Variants in UTP18 observed in about 807,000 individuals in gnomAD.
UTP18 encodes U3 small nucleolar RNA-associated protein 18 homolog.
Under a neutral mutation model 61.1 loss-of-function variants are expected in UTP18, and 36 were observed. That is an observed-to-expected ratio of 0.59 (90% CI 0.45 to 0.78). The LOEUF is 0.78. Among genes scored for constraint, UTP18 ranks in the 30% least tolerant of loss-of-function variants. The pLI is 0.00. For synonymous variants in UTP18, 282 were observed against 251.1 expected (o/e 1.12, Z -1.16); for missense variants, 753 against 693.9 (o/e 1.09, Z -0.96).
intron 5 of UTP18, among the ~76,000 whole-genome samples, chr17:51,273,797 C>T (rs9889715): frequency 0.54 from 81,079 of 151,336 alleles, 21,841 homozygotes; most frequent in Middle Eastern, 0.66. Context: ...CTAGGAATCC[C>T]GTTTGGTTTA....
chr17:51,290,055 C>G (rs542404590), intron 11 of UTP18, among the ~76,000 whole-genome samples: 8 of 152,110 alleles, frequency 5.3e-5, no homozygotes, highest in Non-Finnish European at 7.4e-5. Flanking sequence ...TAACTTGTAT[C>G]ATGTAGAGCA....
rs371628195 is a variant in UTP18, at chr17:51,260,623, G to C, written c.39G>C (p.Arg13=). The C allele has an allele frequency of 4.3e-6, 7 of 1,612,738 alleles. No homozygotes were observed. The highest frequency in any genetic ancestry group is 4.5e-5 in the East Asian group (2 of 44,828). ...PERRRRMKLD[R]RTGAKPKRKP... is the part of the protein sequence containing the mutation. ...GGAGGAGACGAATGAAACTGGACCG[G>C]AGAACCGGAGCGAAGCCGAAGCGGA... Residue 13 remains arginine (R), a synonymous_variant, in exon 1 of 14, where the codon CGG becomes CGC. Coordinates refer to ENST00000225298, the MANE Select transcript of UTP18 (RefSeq NM_016001.3).
intron 4 of UTP18, among the ~76,000 whole-genome samples, chr17:51,271,448 A>C (rs1339400520): frequency 6.6e-6 from 1 of 152,058 alleles, no homozygotes; most frequent in African/African-American, 2.4e-5. Context: ...CTAGGACTAC[A>C]GGCATGTGCC....
At chr17:51,273,301 G>A (rs1382214697) in intron 4 of UTP18, 61 bp from the exon 5 acceptor site, 2 of 1,254,608 alleles carry the variant, frequency 1.6e-6, no homozygotes, top group South Asian at 1.6e-5. Flanking sequence ...GAAGTTTGGG[G>A]TAGGTAAAAG....
In UTP18 at chr17:51,269,634, G is replaced by C. The variant is rs1249590189; in HGVS notation, c.622+730G>C. 2.6e-5 allele frequency among the ~76,000 whole-genome samples: 4 copies of C among 152,110 alleles called. No individual in the cohort carries two copies. In the South Asian group the frequency reaches 8.3e-4, roughly 32 times the overall value. ...CCTACCCTGTTAGTCCTCATGGTAC[G>C]TAAATGCAGGGAGTCCATACAAAGA... On this transcript the variant is annotated intron_variant, in intron 4 of 13. Transcript: ENST00000225298.
chr17:51,280,138 C>T (rs765092412), intron 8 of UTP18, 33 bp downstream of exon 8: 2 of 1,579,594 alleles, frequency 1.3e-6, no homozygotes, highest in South Asian at 1.1e-5. Flanking sequence ...TGTTCTTCTC[C>T]CACAAGACAC....
chr17:51,267,332 C>T (rs1271229667), intron 3 of UTP18, among the ~76,000 whole-genome samples: 3 of 152,030 alleles, frequency 2.0e-5, no homozygotes, highest in Admixed American at 2.0e-4. Context: ...TTTTAAGACT[C>T]CTGTTTTTTA....
chr17:51,265,759 T>C (rs2055554657), intron 2 of UTP18, among the ~76,000 whole-genome samples: 1 of 150,198 alleles, frequency 6.7e-6, no homozygotes, highest in Admixed American at 6.6e-5. Flanking sequence ...AGATGGTGTT[T>C]CACCACGTTG....
rs1252229807 is a variant in UTP18, at chr17:51,268,876, G to A, written c.594G>A (p.Glu198=). ...HAMGGVPAWA[E]TTKRKTSSDD... is the part of the protein sequence containing the mutation. The stretch of plus-strand genomic sequence containing the variant: ...TGGGAGGAGTACCTGCCTGGGCAGA[G>A]ACTACTAAGCGGAAAACATCTTCAG... Residue 198 remains glutamate, a synonymous_variant, in exon 4 of 14, where the codon GAG becomes GAA. Transcript: ENST00000225298. 6.2e-7 allele frequency: 1 copy of A among 1,613,968 alleles called. No homozygotes were observed.
At chr17:51,287,011 G>A (rs1486089442) in intron 10 of UTP18, among the ~76,000 whole-genome samples, 1 of 129,870 alleles carries the variant, frequency 7.7e-6, no homozygotes, top group East Asian at 2.5e-4. Context: ...GGTATGTGAT[G>A]TTCCCCTTCC....
At chr17:51,276,890 C>T (rs1040896165) in intron 6 of UTP18, among the ~76,000 whole-genome samples, 2 of 152,192 alleles carry the variant, frequency 1.3e-5, no homozygotes, top group African/African-American at 4.8e-5. Flanking sequence ...CACGCCACCT[C>T]CTCAGCACCT....
intron 3 of UTP18, among the ~76,000 whole-genome samples, chr17:51,267,418 T>G (rs916219995): frequency 6.6e-6 from 1 of 152,110 alleles, no homozygotes; most frequent in African/African-American, 2.4e-5. Context: ...TTTAGAATGT[T>G]GTGCCACCAC....
At position 51,260,618 on chromosome 17, in the gene UTP18, G is replaced by C; in HGVS notation, c.34G>C (p.Asp12His). The C allele has an allele frequency of 6.2e-7, 1 of 1,612,720 alleles. No individual in the cohort carries two copies. Among genetic ancestry groups the C allele is most frequent in the Non-Finnish European group, 8.5e-7 (1 of 1,179,720 alleles). Residue 12 changes from aspartate (D) to histidine (H), a missense_variant, in exon 1 of 14, where the codon GAC (aspartate) becomes CAC (histidine). Asp to His is a moderately conservative substitution (Grantham distance 81). Coordinates refer to ENST00000225298, the MANE Select transcript of UTP18 (RefSeq NM_016001.3). ...PPERRRRMKL[D>H]RRTGAKPKRK... ...GGAGCGGAGGAGACGAATGAAACTG[G>C]ACCGGAGAACCGGAGCGAAGCCGAA...
At chr17:51,289,712 C>T (rs1905198941) in intron 11 of UTP18, among the ~76,000 whole-genome samples, 1 of 152,192 alleles carries the variant, frequency 6.6e-6, no homozygotes, top group Admixed American at 6.5e-5. Context: ...ATGTTTGCTG[C>T]TATGTGTGTA....
chr17:51,265,838 AGGCGTGAGCCACCAC>A (rs1420257910), intron 2 of UTP18, among the ~76,000 whole-genome samples: 6 of 152,272 alleles, frequency 3.9e-5, no homozygotes, highest in Middle Eastern at 3.4e-3. Context: ...CTGGGATTAC[AGGCGTGAGCCACCAC>A]GCTGGGCCTA....
chr17:51,269,135 A>G (rs1278629959), intron 4 of UTP18, among the ~76,000 whole-genome samples: 1 of 151,704 alleles, frequency 6.6e-6, no homozygotes, highest in Non-Finnish European at 1.5e-5. Context: ...AAAAATACAA[A>G]AATTAGCCAG....
Position 51,280,027 on chromosome 17 carries a change from G to A in UTP18, c.1035G>A (p.Arg345=), listed in dbSNP as rs201072443. The change falls in exon 8 of 14, where the codon AGG becomes AGA. Residue 345 remains arginine, a synonymous_variant. Coordinates refer to ENST00000225298, the MANE Select transcript of UTP18 (RefSeq NM_016001.3). ...TAGGTTTGAAAGAGAAGATAGTGAG[G>A]AGCTTTGAAGTCTCCCCAGATGGGT... The part of the protein sequence containing the change: ...QVRGLKEKIV[R]SFEVSPDGSF... 6.2e-6 allele frequency: 10 copies of A among 1,613,498 alleles called. No homozygotes were observed. In the Admixed American group the frequency reaches 8.3e-5, roughly 13 times the overall value.
intron 9 of UTP18, among the ~76,000 whole-genome samples, chr17:51,283,617 A>ATT (rs34103760): frequency 0.38 from 53,037 of 138,308 alleles, 11,499 homozygotes; most frequent in East Asian, 0.6. Flanking sequence ...TTACTCATGG[A>ATT]TTTTTTTTTT....
chr17:51,279,923 T>G (rs1282776011), intron 7 of UTP18, 82 bp from the exon 8 acceptor site: 1 of 1,165,662 alleles, frequency 8.6e-7, no homozygotes, highest in East Asian at 2.6e-5. Context: ...TTTTAAAAAG[T>G]AAGAAACTCA....
Sources: allele counts gnomAD v4.1 joint callset (sites outside exome capture counted in the v4.1 genomes callset), GRCh38; gene constraint gnomAD v4.1.1; transcripts MANE v1.5; gene names NCBI Gene and HGNC (gene_info 2026-07-23, HGNC 2026-07-21).